Variants in VAV1 observed in about 807,000 individuals in gnomAD.
The protein encoded by VAV1 is vav guanine nucleotide exchange factor 1, also known as proto-oncogene vav.
A neutral mutation model predicts 128.1 loss-of-function variants in VAV1; 33 were observed. That is an observed-to-expected ratio of 0.26 (90% CI 0.20 to 0.34). VAV1 has a LOEUF of 0.34. Among genes scored for constraint, VAV1 ranks in the 10% least tolerant of loss-of-function variants. The pLI is 1.00. For synonymous variants in VAV1, 394 were observed against 409.8 expected (o/e 0.96, Z 0.47); for missense variants, 715 against 1,093.7 (o/e 0.65, Z 4.88).
chr19:6,784,006 C>T (rs1286853959), intron 1 of VAV1: 1 of 392,162 alleles, frequency 2.5e-6, no homozygotes, highest in Admixed American at 4.1e-5. Flanking sequence ...GTAATCTCAG[C>T]ACTTTGAGAG....
intron 24 of VAV1, among the ~76,000 whole-genome samples, chr19:6,852,736 A>AG (rs1972699410): frequency 1.3e-5 from 2 of 151,348 alleles, no homozygotes; most frequent in Non-Finnish European, 2.9e-5. Context: ...AAAAAAAAAA[A>AG]GAAAGAAAGA....
At chr19:6,790,209 G>C (rs1025708653) in intron 1 of VAV1, among the ~76,000 whole-genome samples, 4 of 152,116 alleles carry the variant, frequency 2.6e-5, no homozygotes, top group Non-Finnish European at 4.4e-5. Context: ...AAATGCTGGG[G>C]AGAGGAAGAG....
intron 24 of VAV1, 91 bp from the exon 25 acceptor site, chr19:6,852,874 C>A: frequency 2.0e-6 from 2 of 985,574 alleles, no homozygotes; most frequent in Non-Finnish European, 3.1e-6. Flanking sequence ...GGGCCTGCTT[C>A]ATGTGAGGAG....
At position 6,822,653 on chromosome 19, in the gene VAV1, C is replaced by G; in HGVS notation, c.654+139C>G. 1.6e-6 allele frequency: 1 copy of G among 629,248 alleles called. No homozygotes were observed. The highest frequency in any genetic ancestry group is 2.7e-6 in the Non-Finnish European group (1 of 370,670). The allele number at this position is 629,248 out of a possible 1,614,324, so 39.0% of individuals were successfully genotyped here. A position where few individuals can be genotyped will look rare whatever the true frequency, so the allele number is the denominator to read the frequency against. ...TTTTCCTTTCTGTGACTGTCTCCGT[C>G]TCTGAGTTTCTCTGACTTACATATG... On this transcript the variant is annotated intron_variant, in intron 6 of 26. Transcript: ENST00000602142. This position sits in a 1 kb window ranked among gnomAD's most constrained non-coding sequence, Gnocchi z 5.9.
intron 1 of VAV1, among the ~76,000 whole-genome samples, chr19:6,774,572 T>C (rs1458266470): frequency 4.1e-5 from 6 of 145,200 alleles, no homozygotes; most frequent in African/African-American, 1.0e-4. Context: ...GTAGCTGGGA[T>C]TACAGGCGCC....
At chr19:6,838,920 A>ATTTATTTATTTATTT in intron 21 of VAV1, among the ~76,000 whole-genome samples, 1 of 151,662 alleles carries the variant, frequency 6.6e-6, no homozygotes, top group African/African-American at 2.4e-5. Context: ...TTATTTATTT[A>ATTTATTTATTTATTT]AGATGGAGTT....
At chr19:6,814,698 T>TCTCTCTCTCTCTCTC (rs1971599421) in intron 1 of VAV1, among the ~76,000 whole-genome samples, 6 of 131,354 alleles carry the variant, frequency 4.6e-5, no homozygotes, top group African/African-American at 2.0e-4. Context: ...CTTTCTTTCT[T>TCTCTCTCTCTCTCTC]TCTTTCTTTC....
intron 22 of VAV1, among the ~76,000 whole-genome samples, chr19:6,846,917 G>GTTT (rs533658535): frequency 1.5e-5 from 2 of 135,386 alleles, no homozygotes; most frequent in African/African-American, 2.7e-5. Flanking sequence ...GTGGCTTTTT[G>GTTT]TTTTTTTTTT....
chr19:6,801,412 G>T (rs540663883), intron 1 of VAV1, among the ~76,000 whole-genome samples: 9 of 152,176 alleles, frequency 5.9e-5, no homozygotes, highest in Non-Finnish European at 1.2e-4. Context: ...CTGAAAAGTG[G>T]AGTGTGTGCT....
chr19:6,848,523 C>A (rs931514481), intron 23 of VAV1, among the ~76,000 whole-genome samples: 1 of 151,146 alleles, frequency 6.6e-6, no homozygotes, highest in African/African-American at 2.4e-5. Flanking sequence ...CTGCCTCAGA[C>A]CCCCGAGTAG....
At chr19:6,823,107 G>A (rs1050621717) in intron 6 of VAV1, among the ~76,000 whole-genome samples, 19 of 146,152 alleles carry the variant, frequency 1.3e-4, no homozygotes, top group Non-Finnish European at 2.1e-4. Flanking sequence ...ATACATAAAA[G>A]ATATATATCT....
chr19:6,828,748 G>A lies in VAV1; in HGVS notation c.1179+40G>A, dbSNP rs769101973. ...CCGGGTGGGCCAGGGGTGTGGCCAC[G>A]TGGGGAGAGTGTGTGTCTGGCTCCT... On this transcript the variant is annotated intron_variant, in intron 12 of 26. Transcript: ENST00000602142. The surrounding 1 kb of genome is among the most constrained non-coding windows in gnomAD (Gnocchi z 4.5). The A allele has an allele frequency of 9.9e-6, 16 of 1,613,826 alleles. No individual in the cohort carries two copies. In the Admixed American group the frequency reaches 1.8e-4, roughly 18 times the overall value.
At chr19:6,804,218 G>T (rs2144735956) in intron 1 of VAV1, among the ~76,000 whole-genome samples, 1 of 151,330 alleles carries the variant, frequency 6.6e-6, no homozygotes, top group African/African-American at 2.4e-5. Flanking sequence ...CCAAAGTGGG[G>T]CTTAGCCTGT....
At chr19:6,849,383 G>C (rs988709578) in intron 23 of VAV1, among the ~76,000 whole-genome samples, 4 of 138,488 alleles carry the variant, frequency 2.9e-5, no homozygotes, top group Non-Finnish European at 6.0e-5. Context: ...CCACCTCCCA[G>C]GTTCAAGCGA....
At chr19:6,840,303 C>CTTTT (rs34882027) in intron 21 of VAV1, among the ~76,000 whole-genome samples, 2 of 124,136 alleles carry the variant, frequency 1.6e-5, no homozygotes. Context: ...AATTTTCTTT[C>CTTTT]TTTTTTTTTT....
intron 1 of VAV1, among the ~76,000 whole-genome samples, chr19:6,775,018 G>A (rs942323860): frequency 2.0e-5 from 3 of 150,606 alleles, no homozygotes; most frequent in Admixed American, 1.3e-4. Flanking sequence ...TGACCACCTC[G>A]GCCTCTCGAA....
At chr19:6,799,507 G>C (rs962862452) in intron 1 of VAV1, among the ~76,000 whole-genome samples, 1 of 152,062 alleles carries the variant, frequency 6.6e-6, no homozygotes, top group Non-Finnish European at 1.5e-5. Context: ...GAACGTGCAG[G>C]TTTGTTACAT....
At chr19:6,856,730 G>GAAAAAAAAAAAAAAAAAAAA (rs1222535432) in intron 26 of VAV1, among the ~76,000 whole-genome samples, 3 of 68,904 alleles carry the variant, frequency 4.4e-5, no homozygotes, top group East Asian at 5.0e-4. Flanking sequence ...TCTCAAAAAA[G>GAAAAAAAAAAAAAAAAAAAA]AAAAAAAAAA....
chr19:6,853,812 G>C (rs1972724703), intron 25 of VAV1, 135 bp from the exon 26 acceptor site: 1 of 1,080,160 alleles, frequency 9.3e-7, no homozygotes, highest in South Asian at 1.6e-5. Flanking sequence ...TACAGTACAG[G>C]GCATCTAATA....
Sources: gnomAD v4.1 joint callset for allele counts (sites outside exome capture counted in the v4.1 genomes callset) on GRCh38, gnomAD v4.1.1 for gene constraint, Gnocchi (gnomAD v3.1) non-coding constraint, MANE v1.5 for transcripts, NCBI Gene and HGNC (gene_info 2026-07-23, HGNC 2026-07-21) for gene names.